The following MIR2052HG variants were observed in gnomAD, a reference collection of about 807,000 sequenced individuals.
MIR2052HG encodes MIR2052 host gene.
chr8:74,751,726 A>G (rs1809948723), intron 4 of MIR2052HG, among the ~76,000 whole-genome samples: 1 of 152,252 alleles, frequency 6.6e-6, no homozygotes. Context: ...AATGAACTGT[A>G]AGAACTTGCT....
intron 2 of MIR2052HG, among the ~76,000 whole-genome samples, chr8:74,657,979 G>C (rs1281472331): frequency 6.6e-6 from 1 of 152,048 alleles, no homozygotes; most frequent in Non-Finnish European, 1.5e-5. Context: ...TTCTACCCCT[G>C]GTTCTCTTTT....
At chr8:74,627,068 C>A (rs902431264) in intron 2 of MIR2052HG, among the ~76,000 whole-genome samples, 7 of 152,212 alleles carry the variant, frequency 4.6e-5, no homozygotes, top group African/African-American at 1.4e-4. Context: ...TCTTGGCTCT[C>A]ACCCTGCCCA....
At chr8:74,602,850 T>C (rs1045960402) in intron 1 of MIR2052HG, among the ~76,000 whole-genome samples, 2 of 143,356 alleles carry the variant, frequency 1.4e-5, no homozygotes, top group East Asian at 2.0e-4. Flanking sequence ...TCTTTCTTTC[T>C]TTCTTTCTTT....
At chr8:74,754,578 G>A (rs1460483426) in intron 5 of MIR2052HG, among the ~76,000 whole-genome samples, 1 of 152,196 alleles carries the variant, frequency 6.6e-6, no homozygotes, top group East Asian at 1.9e-4. Context: ...AGGTGGAGAA[G>A]AAATGAATTG....
In MIR2052HG at chr8:74,754,276, A is replaced by G. The variant is rs533278548; in HGVS notation, n.464+1743A>G. 2.6e-5 allele frequency among the ~76,000 whole-genome samples: 4 copies of G among 152,350 alleles called. No individual in the cohort carries two copies. The East Asian group carries it at 7.7e-4, about 29-fold the overall frequency. On this transcript the variant is annotated intron_variant and non_coding_transcript_variant, in intron 5 of 6. Coordinates refer to ENST00000523442, the Ensembl canonical transcript of MIR2052HG. ...ACTTATTTCCTCTATTATCCTCTCC[A>G]TTGACCTCTTAGCAGCATTTAATAG...
intron 1 of MIR2052HG, among the ~76,000 whole-genome samples, chr8:74,600,233 C>T (rs1235948345): frequency 2.0e-5 from 3 of 152,014 alleles, no homozygotes; most frequent in East Asian, 1.9e-4. Context: ...TGTTCCTATT[C>T]GGCCATCTTG....
At chr8:74,659,422 T>G (rs1382043960) in intron 2 of MIR2052HG, among the ~76,000 whole-genome samples, 1 of 152,232 alleles carries the variant, frequency 6.6e-6, no homozygotes, top group Non-Finnish European at 1.5e-5. Flanking sequence ...GTTTTGACTT[T>G]AAGATCGTGT....
At chr8:74,695,265 G>T (rs960426946) in intron 2 of MIR2052HG, among the ~76,000 whole-genome samples, 1 of 152,152 alleles carries the variant, frequency 6.6e-6, no homozygotes, top group Non-Finnish European at 1.5e-5. Context: ...AATGCTGAGA[G>T]AATTTGACAC....
intron 4 of MIR2052HG, among the ~76,000 whole-genome samples, chr8:74,720,633 C>A (rs557009842): frequency 3.7e-4 from 56 of 152,156 alleles, no homozygotes; most frequent in Admixed American, 3.3e-3. Flanking sequence ...ACTTTTGGAA[C>A]AAAATGTATA....
At chr8:74,690,172 C>A (rs1354032815) in intron 2 of MIR2052HG, among the ~76,000 whole-genome samples, 1 of 152,066 alleles carries the variant, frequency 6.6e-6, no homozygotes, top group Admixed American at 6.6e-5. Context: ...TAAATATGGG[C>A]AACATTTTAC....
intron 2 of MIR2052HG, among the ~76,000 whole-genome samples, chr8:74,680,176 T>C (rs1809107333): frequency 6.6e-6 from 1 of 152,188 alleles, no homozygotes. Context: ...AAACATGTTA[T>C]TTATCATAAA....
chr8:74,707,876 C>T (rs536911115), intron 4 of MIR2052HG, among the ~76,000 whole-genome samples: 1 of 152,050 alleles, frequency 6.6e-6, no homozygotes, highest in Non-Finnish European at 1.5e-5. Flanking sequence ...AAGGGATCCA[C>T]GTAGTCTTTA....
intron 1 of MIR2052HG, among the ~76,000 whole-genome samples, chr8:74,608,076 A>G (rs1808137939): frequency 6.6e-6 from 1 of 152,202 alleles, no homozygotes. Context: ...TTTGGGTTGT[A>G]AATTGGCGGC....
At chr8:74,753,442 A>AT (rs1809968683) in intron 5 of MIR2052HG, among the ~76,000 whole-genome samples, 1 of 152,218 alleles carries the variant, frequency 6.6e-6, no homozygotes, top group Non-Finnish European at 1.5e-5. Flanking sequence ...AATCATAGTG[A>AT]TTCTCCAATT....
In MIR2052HG at chr8:74,602,905, C is replaced by A. The variant is rs575076388; in HGVS notation, n.128+2997C>A. Among the ~76,000 whole-genome samples the A allele has an allele frequency of 2.8e-3, 281 of 99,166 alleles. 1 individual carries two copies. The highest frequency in any genetic ancestry group is 5.0e-3 in the Non-Finnish European group (244 of 48,820). The allele number at this position is 99,166 out of a possible 152,430, so 65.1% of individuals were successfully genotyped here. On this transcript the variant is annotated intron_variant and non_coding_transcript_variant, in intron 1 of 6. Transcript: ENST00000523442. ...CTATTCACAAAGAAAAAGCTCCAGT[C>A]CATTTTTAAATTTTTTTGAAAAATT... is the stretch of plus-strand genomic sequence containing the variant.
At chr8:74,644,006 C>T (rs1267291988) in intron 2 of MIR2052HG, among the ~76,000 whole-genome samples, 1 of 152,230 alleles carries the variant, frequency 6.6e-6, no homozygotes, top group South Asian at 2.1e-4. Flanking sequence ...CTTAACATCC[C>T]CTGAGATGTA....
intron 1 of MIR2052HG, among the ~76,000 whole-genome samples, chr8:74,611,846 G>A (rs1446226915): frequency 6.6e-6 from 1 of 152,156 alleles, no homozygotes; most frequent in Non-Finnish European, 1.5e-5. Context: ...AATGCCAGTA[G>A]AGGAAATTGT....
At chr8:74,684,261 A>G (rs1809156205) in intron 2 of MIR2052HG, among the ~76,000 whole-genome samples, 2 of 107,230 alleles carry the variant, frequency 1.9e-5, no homozygotes, top group Admixed American at 1.9e-4. Context: ...TCTGGGCTCT[A>G]CAAGCCTCCA....
At chr8:74,637,855 G>A (rs1447136764) in intron 2 of MIR2052HG, among the ~76,000 whole-genome samples, 1 of 152,062 alleles carries the variant, frequency 6.6e-6, no homozygotes, top group Non-Finnish European at 1.5e-5. Flanking sequence ...CATCTAAGTG[G>A]AATATTTACC....
Sources: gnomAD v4.1 joint callset for allele counts (sites outside exome capture counted in the v4.1 genomes callset) on GRCh38, gnomAD v4.1.1 for gene constraint, MANE v1.5 for transcripts, NCBI Gene and HGNC (gene_info 2026-07-23, HGNC 2026-07-21) for gene names.